The following IGF1R variants were observed in gnomAD, a reference collection of about 807,000 sequenced individuals.
IGF1R encodes insulin-like growth factor 1 receptor.
A neutral mutation model predicts 144.6 loss-of-function variants in IGF1R; 44 were observed. The ratio of observed to expected loss-of-function variants is 0.30; its 90% confidence interval spans 0.24 to 0.39. The LOEUF is 0.39. IGF1R is among the 10% of genes least tolerant of loss of function. IGF1R has a pLI of 1.00. For synonymous variants in IGF1R, 795 were observed against 722.8 expected (o/e 1.10, Z -1.60); for missense variants, 1,355 against 1,833.7 (o/e 0.74, Z 4.77).
intron 2 of IGF1R, among the ~76,000 whole-genome samples, chr15:98,753,014 C>A (rs2055054771): frequency 6.8e-6 from 1 of 146,498 alleles, no homozygotes; most frequent in South Asian, 2.2e-4. Flanking sequence ...TGGCTCACTG[C>A]AACCTCCGCC....
At chr15:98,948,535 T>A in intron 19 of IGF1R, 39 bp from the exon 20 acceptor site, 1 of 1,609,304 alleles carries the variant, frequency 6.2e-7, no homozygotes, top group Non-Finnish European at 8.5e-7. Context: ...GTTCAGTCCA[T>A]CCCTTTCCAA....
intron 1 of IGF1R, among the ~76,000 whole-genome samples, chr15:98,706,499 C>A (rs542370637): frequency 6.6e-6 from 1 of 152,058 alleles, no homozygotes; most frequent in African/African-American, 2.4e-5. Context: ...AGAAAATAGT[C>A]TTGGGTATCT....
Position 98,962,122 on chromosome 15 carries a change from A to G in IGF1R, c.*4680A>G, listed in dbSNP as rs2017250309. ...GCCAGTGGCTCTGTGGCAAGATCAC[A>G]CTGAGATCGATGGGTGAGAAGGCTA... is the stretch of plus-strand genomic sequence containing the variant. On this transcript the variant is annotated 3_prime_UTR_variant, in exon 21 of 21. Transcript: ENST00000650285. The G allele has an allele frequency of 8.6e-6, 2 of 233,132 alleles. No homozygotes were observed. The highest frequency in any genetic ancestry group is 1.7e-5 in the Non-Finnish European group (2 of 118,038). 14.4% of individuals were successfully genotyped at this position (233,132 alleles called of 1,614,324 possible).
In IGF1R at chr15:98,896,753, A is replaced by G. The variant is rs531408449; in HGVS notation, c.954-4A>G. The G allele has an allele frequency of 9.3e-6, 15 of 1,613,986 alleles. No homozygotes were observed. Among genetic ancestry groups the G allele is most frequent in the Admixed American group, 5.0e-5 (3 of 60,014 alleles). ...TTTTTGATTTTTTTTTTCTTCTTCA[A>G]CAGCATGTACTGCATCCCTTGTGAA... On this transcript the variant is annotated splice_region_variant and splice_polypyrimidine_tract_variant and intron_variant, in intron 3 of 20. Coordinates refer to ENST00000650285, the MANE Select transcript of IGF1R (RefSeq NM_000875.5).
intron 2 of IGF1R, among the ~76,000 whole-genome samples, chr15:98,786,373 G>C (rs1304123049): frequency 2.1e-5 from 1 of 47,770 alleles, no homozygotes; most frequent in African/African-American, 3.8e-5. Context: ...TAACCAGGGA[G>C]TTAATTTTTT....
At chr15:98,881,280 C>G (rs773184727) in intron 2 of IGF1R, among the ~76,000 whole-genome samples, 9 of 151,944 alleles carry the variant, frequency 5.9e-5, no homozygotes, top group African/African-American at 1.5e-4. Flanking sequence ...GAGATGAACT[C>G]CCATAGCCCC....
chr15:98,943,542 G>A (rs1238777010), intron 19 of IGF1R, among the ~76,000 whole-genome samples: 2 of 152,184 alleles, frequency 1.3e-5, no homozygotes, highest in African/African-American at 2.4e-5. Context: ...GGCATCCACC[G>A]TTGTGGACCC....
intron 2 of IGF1R, among the ~76,000 whole-genome samples, chr15:98,855,659 T>G (rs1180443119): frequency 6.6e-6 from 1 of 152,236 alleles, no homozygotes; most frequent in African/African-American, 2.4e-5. Flanking sequence ...TGTATACGTT[T>G]AGAACCTGTT....
At chr15:98,728,196 C>G (rs1014893717) in intron 2 of IGF1R, among the ~76,000 whole-genome samples, 1 of 152,030 alleles carries the variant, frequency 6.6e-6, no homozygotes, top group African/African-American at 2.4e-5. Context: ...CCCAGCTATT[C>G]AAGATGGGCT....
chr15:98,788,062 C>CTGTGTGTGTG (rs59500414), intron 2 of IGF1R, among the ~76,000 whole-genome samples: 27 of 131,102 alleles, frequency 2.1e-4, no homozygotes, highest in African/African-American at 6.9e-4. Context: ...CTCTCTCTCT[C>CTGTGTGTGTG]TGTGTGTGTG....
At chr15:98,843,294 G>GT (rs2011208926) in intron 2 of IGF1R, among the ~76,000 whole-genome samples, 2 of 152,128 alleles carry the variant, frequency 1.3e-5, no homozygotes, top group Non-Finnish European at 1.5e-5. Flanking sequence ...TAATGCAGCA[G>GT]TTTTTTTCTC....
intron 2 of IGF1R, among the ~76,000 whole-genome samples, chr15:98,837,087 ATTTCT>A (rs1211116165): frequency 3.3e-5 from 5 of 151,828 alleles, no homozygotes; most frequent in Admixed American, 1.3e-4. Flanking sequence ...CTTTTTTCAT[ATTTCT>A]TTTCTTTTTT....
At chr15:98,782,985 C>G (rs1159194528) in intron 2 of IGF1R, among the ~76,000 whole-genome samples, 1 of 152,220 alleles carries the variant, frequency 6.6e-6, no homozygotes, top group Non-Finnish European at 1.5e-5. Flanking sequence ...TGGCAGCACA[C>G]AGGCTGAATA....
At chr15:98,821,221 C>T (rs544324130) in intron 2 of IGF1R, among the ~76,000 whole-genome samples, 3 of 151,988 alleles carry the variant, frequency 2.0e-5, no homozygotes, top group African/African-American at 4.8e-5. Flanking sequence ...ATGGCCTGTG[C>T]GCTTCTGGTT....
chr15:98,856,109 T>C (rs957387490), intron 2 of IGF1R, among the ~76,000 whole-genome samples: 1 of 152,200 alleles, frequency 6.6e-6, no homozygotes, highest in African/African-American at 2.4e-5. Context: ...CAAGTCTGAG[T>C]AGCCTTAAGC....
chr15:98,767,809 G>A (rs547674279), intron 2 of IGF1R, among the ~76,000 whole-genome samples: 1 of 152,300 alleles, frequency 6.6e-6, no homozygotes, highest in African/African-American at 2.4e-5. Flanking sequence ...CCTCCTGCTG[G>A]TGCCGGTAGG....
At chr15:98,905,683 A>C (rs1453359444) in intron 5 of IGF1R, among the ~76,000 whole-genome samples, 1 of 152,112 alleles carries the variant, frequency 6.6e-6, no homozygotes, top group Non-Finnish European at 1.5e-5. Context: ...AAAAAAAAAA[A>C]ACCTAATTTT....
Position 98,720,473 on chromosome 15 carries a change from G to A in IGF1R, c.640+12366G>A, listed in dbSNP as rs188410823. Among the ~76,000 whole-genome samples the A allele has an allele frequency of 4.9e-4, 74 of 152,300 alleles. 1 individual carries two copies. The highest frequency in any genetic ancestry group is 1.8e-3 in the African/African-American group (74 of 41,566). On this transcript the variant is annotated intron_variant, in intron 2 of 20. Coordinates refer to ENST00000650285, the MANE Select transcript of IGF1R (RefSeq NM_000875.5). ...TGTTCTAGACTTGGAATGGTATGAA[G>A]CAGTCGAACTTTTTAGGATGGGCCC...
Position 98,891,733 on chromosome 15 carries a change from C to T in IGF1R, c.953+96C>T. ...CTCTGTCGGTTGTTTCATCCGGGTG[C>T]AGCCCTCAGGAAGTTCACTGAGGTG... On this transcript the variant is annotated intron_variant, in intron 3 of 20. Transcript: ENST00000650285. This position sits in a 1 kb window ranked among gnomAD's most constrained non-coding sequence, Gnocchi z 4.7. The T allele has an allele frequency of 1.6e-6, 2 of 1,264,716 alleles. No homozygotes were observed. Among genetic ancestry groups the T allele is most frequent in the East Asian group, 2.5e-5 (1 of 40,182 alleles). The allele number at this position is 1,264,716 out of a possible 1,614,324, so 78.3% of individuals were successfully genotyped here. A position where few individuals can be genotyped will look rare whatever the true frequency, so the allele number is the denominator to read the frequency against.
Sources: allele counts gnomAD v4.1 joint callset (sites outside exome capture counted in the v4.1 genomes callset), GRCh38; gene constraint gnomAD v4.1.1; non-coding constraint Gnocchi (gnomAD v3.1); transcripts MANE v1.5; gene names NCBI Gene and HGNC (gene_info 2026-07-23, HGNC 2026-07-21).